Variants in UBR4 observed in about 807,000 individuals in gnomAD.
UBR4 encodes the protein E3 ubiquitin-protein ligase UBR4.
A neutral mutation model predicts 575.6 loss-of-function variants in UBR4; 124 were observed. That is an observed-to-expected ratio of 0.22 (90% CI 0.19 to 0.25). The LOEUF is 0.25. Ranked by LOEUF, UBR4 falls within the 10% of genes least tolerant of loss-of-function variation. The probability of loss-of-function intolerance (pLI) is 1.00; values close to 1 mark genes in which losing one functional copy is unlikely to be tolerated. For synonymous variants in UBR4, 2,455 were observed against 2,473.7 expected (o/e 0.99, Z 0.22); for missense variants, 4,818 against 6,478.8 (o/e 0.74, Z 8.80).
intron 55 of UBR4, 121 bp downstream of exon 55, chr1:19,143,859 A>G: frequency 1.3e-6 from 1 of 775,640 alleles, no homozygotes; most frequent in African/African-American, 1.7e-5. Flanking sequence ...TAGAAAAAAG[A>G]CAGATACATA....
At chr1:19,086,657 T>C in intron 100 of UBR4, 22 bp downstream of exon 100, 1 of 1,612,082 alleles carries the variant, frequency 6.2e-7, no homozygotes, top group Non-Finnish European at 8.5e-7. Flanking sequence ...GAAGGAGCCA[T>C]TCCGCAAGAG....
chr1:19,090,101 C>T (rs1302149403), intron 97 of UBR4, among the ~76,000 whole-genome samples: 2 of 152,228 alleles, frequency 1.3e-5, no homozygotes, highest in Non-Finnish European at 2.9e-5. Context: ...TCTTCTCCAT[C>T]TCAGTGGCAC....
At chr1:19,090,381 C>T (rs1036972680) in intron 97 of UBR4, among the ~76,000 whole-genome samples, 4 of 152,296 alleles carry the variant, frequency 2.6e-5, no homozygotes, top group Admixed American at 6.5e-5. Context: ...CAGGAGAAAA[C>T]CCACACTCCT....
rs376029381 is a variant in UBR4 at position 19,140,884 on chromosome 1, T to C, written c.8497A>G (p.Ser2833Gly). Residue 2833 changes from serine to glycine, a missense_variant, in exon 58 of 106, where the codon AGC (serine) becomes GGC (glycine). Transcript: ENST00000375254. The part of the protein sequence containing the change: ...SLQQDQQGSS[S>G]SALGLQSLGL... ...AGGCTCTGCAGGCCCAGGGCACTGC[T>C]GCTGCTGCCTGGGAAACAAGTGGAG... The C allele has an allele frequency of 1.2e-6, 2 of 1,608,212 alleles. No homozygotes were observed. The highest frequency in any genetic ancestry group is 1.7e-6 in the Non-Finnish European group (2 of 1,178,422).
At chr1:19,120,425 T>G in intron 68 of UBR4, 77 bp from the exon 69 acceptor site, 1 of 1,513,480 alleles carries the variant, frequency 6.6e-7, no homozygotes, top group East Asian at 2.3e-5. Context: ...GGCTACCAAA[T>G]GGTGAGGGAG....
At chr1:19,119,482 C>G in intron 70 of UBR4, 75 bp downstream of exon 70, 1 of 1,558,922 alleles carries the variant, frequency 6.4e-7, no homozygotes, top group South Asian at 1.2e-5. Context: ...CTGGGTTGTT[C>G]ATAATATTCT....
chr1:19,192,105 T>C, intron 11 of UBR4, 83 bp downstream of exon 11: 1 of 1,492,936 alleles, frequency 6.7e-7, no homozygotes, highest in Non-Finnish European at 9.0e-7. Flanking sequence ...TTCCTATTGA[T>C]ATGAAGTCAT....
intron 22 of UBR4, among the ~76,000 whole-genome samples, chr1:19,173,926 T>C (rs749943754): frequency 1.3e-5 from 2 of 152,240 alleles, no homozygotes; most frequent in Non-Finnish European, 2.9e-5. Flanking sequence ...GGCAGGACAT[T>C]CTGCTTAGCA....
intron 6 of UBR4, 54 bp from the exon 7 acceptor site, chr1:19,197,865 TC>T: frequency 6.2e-7 from 1 of 1,612,756 alleles, no homozygotes; most frequent in South Asian, 1.1e-5. Context: ...GATGCTTGAT[TC>T]TTATCCATAT....
At chr1:19,129,750 C>T (rs1179507525) in intron 60 of UBR4, among the ~76,000 whole-genome samples, 2 of 148,284 alleles carry the variant, frequency 1.3e-5, no homozygotes, top group Non-Finnish European at 3.0e-5. Context: ...AGCTAATATG[C>T]TGATTCAAGA....
rs764745406 is a variant in UBR4 at position 19,084,686 on chromosome 1, G to A, written c.14826C>T (p.Tyr4942=). Residue 4942 remains tyrosine (Y), a synonymous_variant, in exon 102 of 106, where the codon TAC becomes TAT. Transcript: ENST00000375254. ...CCCGCTGGCCTGTACATTCCTGGAG[G>A]TAAGTGTTGTGTCTAGAGGGAAGCA... ...FATCLARHNT[Y]LQECTGQREP... is the part of the protein sequence containing the mutation. The A allele has an allele frequency of 5.2e-5, 84 of 1,610,180 alleles. No individual in the cohort carries two copies. The highest frequency in any genetic ancestry group is 6.8e-5 in the Non-Finnish European group (80 of 1,177,268).
Position 19,110,699 on chromosome 1 carries a change from G to A in UBR4, c.11892+43C>T. 2.5e-6 allele frequency: 4 copies of A among 1,596,692 alleles called. No individual in the cohort carries two copies. The highest frequency in any genetic ancestry group is 1.1e-5 in the South Asian group (1 of 90,690). Reference sequence around the variant, plus strand: ...AAGCTGAGAAACACAAGGCATGTGAGGGGAAGTCAGAGAGGACAGCTGGGC... The same window carrying A: ...AAGCTGAGAAACACAAGGCATGTGAAGGGAAGTCAGAGAGGACAGCTGGGC... On this transcript the variant is annotated intron_variant, in intron 79 of 105. Coordinates refer to ENST00000375254, the MANE Select transcript of UBR4 (RefSeq NM_020765.3). This position sits in a 1 kb window ranked among gnomAD's most constrained non-coding sequence, Gnocchi z 4.5.
In UBR4 at chr1:19,145,790, T is replaced by C. The variant is rs767861551; in HGVS notation, c.7945+3A>G. On this transcript the variant is annotated splice_donor_region_variant and intron_variant, in intron 53 of 105. Transcript: ENST00000375254. ...CAAGATTCAAATATCCCTTTTAACATACCTGGAAGGCAGGCAGGTGCCAAG... is the reference window on the plus strand; with the variant it reads ...CAAGATTCAAATATCCCTTTTAACACACCTGGAAGGCAGGCAGGTGCCAAG... 5 of 1,613,932 alleles carry C rather than the reference T, an allele frequency of 3.1e-6. No homozygotes were observed. The highest frequency in any genetic ancestry group is 1.7e-5 in the Admixed American group (1 of 60,008).
Position 19,161,807 on chromosome 1 carries a change from A to G in UBR4, c.5027+20T>C, listed in dbSNP as rs774679250. On this transcript the variant is annotated intron_variant, in intron 36 of 105. Coordinates refer to ENST00000375254, the MANE Select transcript of UBR4 (RefSeq NM_020765.3). ...TCGGTGCCCAGCAAATCTTCACCTT[A>G]AAGGAAGAACTACCCTTACCAATGC... 5.0e-6 allele frequency: 8 copies of G among 1,614,232 alleles called. 1 individual carries two copies. The highest frequency in any genetic ancestry group is 6.8e-6 in the Non-Finnish European group (8 of 1,180,022).
intron 32 of UBR4, 76 bp downstream of exon 32, chr1:19,164,723 G>A (rs1017384543): frequency 5.0e-5 from 78 of 1,548,828 alleles, no homozygotes; most frequent in East Asian, 1.6e-4. Context: ...ACTGGTGCCC[G>A]AAGGAAAGAT....
At chr1:19,196,886 T>A (rs1184403358) in intron 8 of UBR4, among the ~76,000 whole-genome samples, 1 of 152,242 alleles carries the variant, frequency 6.6e-6, no homozygotes, top group Non-Finnish European at 1.5e-5. Context: ...AATTTGCTTT[T>A]CATATAGTAA....
chr1:19,163,609 G>C (rs1553197022), intron 34 of UBR4, among the ~76,000 whole-genome samples, 155 bp downstream of exon 34: 1 of 152,184 alleles, frequency 6.6e-6, no homozygotes, highest in Non-Finnish European at 1.5e-5. Flanking sequence ...CACACAGTTA[G>C]CAACTACATA....
In UBR4 at chr1:19,077,757, C is replaced by A. The variant is rs375376243; in HGVS notation, c.15324+219G>T. The stretch of plus-strand genomic sequence containing the variant: ...TCAAAAAAACCAAACCAAACCAAAC[C>A]AAACAAAACCAAACAAAACAAATGT... On this transcript the variant is annotated intron_variant, in intron 104 of 105. Transcript: ENST00000375254. 472 of 1,465,526 alleles carry A rather than the reference C, an allele frequency of 3.2e-4. 1 individual carries two copies. The highest frequency in any genetic ancestry group is 3.1e-3 in the Middle Eastern group (13 of 4,140). 90.8% of individuals were successfully genotyped at this position (1,465,526 alleles called of 1,614,324 possible).
At chr1:19,102,228 G>C (rs990048551) in intron 87 of UBR4, among the ~76,000 whole-genome samples, 2 of 152,184 alleles carry the variant, frequency 1.3e-5, no homozygotes, top group Non-Finnish European at 2.9e-5. Context: ...AGCTGGGCGT[G>C]GTGGCACACG....
Sources: gnomAD v4.1 joint callset for allele counts (sites outside exome capture counted in the v4.1 genomes callset) on GRCh38, gnomAD v4.1.1 for gene constraint, Gnocchi (gnomAD v3.1) non-coding constraint, MANE v1.5 for transcripts, NCBI Gene and HGNC (gene_info 2026-07-23, HGNC 2026-07-21) for gene names.